SLC39A12: variants seen among roughly 807,000 people sequenced by gnomAD.
SLC39A12 encodes the protein solute carrier family 39 member 12, also known as zinc transporter ZIP12.
In SLC39A12, 63 loss-of-function variants were observed where a neutral mutation model predicts 71.1. The ratio of observed to expected loss-of-function variants is 0.89; its 90% CI spans 0.72 to 1.09. The LOEUF is 1.09. SLC39A12 is among the 50% of genes least tolerant of loss of function. SLC39A12 has a pLI of 0.00. For synonymous variants in SLC39A12, 351 were observed against 301.3 expected, an observed-to-expected ratio of 1.16 and a Z score of -1.71; for missense variants, 892 against 812.6, an observed-to-expected ratio of 1.10 and a Z score of -1.19.
At chr10:17,976,298 AC>A (rs1350682708) in intron 4 of SLC39A12, among the ~76,000 whole-genome samples, 4 of 152,084 alleles carry the variant, frequency 2.6e-5, no homozygotes, top group African/African-American at 9.6e-5. Context: ...TCATTTCACT[AC>A]CCTTCTGTCC....
intron 3 of SLC39A12, among the ~76,000 whole-genome samples, chr10:17,964,813 C>T (rs1014784572): frequency 3.3e-5 from 5 of 152,134 alleles, no homozygotes; most frequent in African/African-American, 1.2e-4. Context: ...AAATCATTCT[C>T]CTGCAGGTTG....
At chr10:17,970,683 T>C (rs1399901289) in intron 4 of SLC39A12, among the ~76,000 whole-genome samples, 1 of 98,024 alleles carries the variant, frequency 1.0e-5, no homozygotes, top group Non-Finnish European at 2.1e-5. Flanking sequence ...TTTGTGTGTG[T>C]GTGTGTGTGT....
intron 8 of SLC39A12, among the ~76,000 whole-genome samples, chr10:17,992,905 C>T (rs982209180): frequency 3.9e-5 from 6 of 152,094 alleles, no homozygotes; most frequent in African/African-American, 7.2e-5. Flanking sequence ...ATTATCATTG[C>T]GGTATCTCCA....
rs772708335 is a variant in SLC39A12, at chr10:17,987,667, C to G, written c.1269+16C>G. On this transcript the variant is annotated intron_variant, in intron 7 of 12. Coordinates refer to ENST00000377369, the MANE Select transcript of SLC39A12 (RefSeq NM_001145195.2). ...TATCCCTCAGGTAATCTGGTCTTTT[C>G]CATTTCAGATAAAGTTCACTTCATT... 2 of 1,613,284 alleles carry G rather than the reference C, an allele frequency of 1.2e-6. No individual in the cohort carries two copies. The highest frequency in any genetic ancestry group is 2.2e-5 in the South Asian group (2 of 90,940).
intron 12 of SLC39A12, among the ~76,000 whole-genome samples, chr10:18,037,776 C>A (rs557726256): frequency 5.3e-5 from 8 of 152,174 alleles, no homozygotes; most frequent in African/African-American, 1.9e-4. Flanking sequence ...GTAATCCCAG[C>A]ACTTTGGGAG....
In SLC39A12 at chr10:18,035,610, A is replaced by G. The variant is rs1193628767; in HGVS notation, c.1948-7095A>G. ...TGCTTTGAATGTCCTCCCATAGCTC[A>G]GAGTAATTTGATCATCTGAAGCCTT... On this transcript the variant is annotated intron_variant, in intron 12 of 12. Coordinates refer to ENST00000377369, the MANE Select transcript of SLC39A12 (RefSeq NM_001145195.2). 7.2e-5 allele frequency among the ~76,000 whole-genome samples: 11 copies of G among 152,202 alleles called. No individual in the cohort carries two copies. In the South Asian group the frequency reaches 8.3e-4, roughly 11 times the overall value.
intron 12 of SLC39A12, among the ~76,000 whole-genome samples, chr10:18,035,859 G>A (rs192970196): frequency 6.6e-5 from 10 of 152,186 alleles, no homozygotes; most frequent in Admixed American, 2.0e-4. Flanking sequence ...TTAGTTTTCC[G>A]TCTAACAGAC....
intron 12 of SLC39A12, among the ~76,000 whole-genome samples, chr10:18,017,864 T>C (rs1455126882): frequency 1.3e-5 from 2 of 152,220 alleles, no homozygotes; most frequent in Non-Finnish European, 2.9e-5. Context: ...AGTTGGCTAT[T>C]ATGGATTTCT....
chr10:17,974,188 T>C (rs1470970480), intron 4 of SLC39A12, among the ~76,000 whole-genome samples: 2 of 152,176 alleles, frequency 1.3e-5, no homozygotes, highest in Non-Finnish European at 2.9e-5. Context: ...TTTCACTGAG[T>C]TTCCTCAAAA....
intron 12 of SLC39A12, among the ~76,000 whole-genome samples, chr10:18,026,734 C>G (rs1348413966): frequency 6.6e-6 from 1 of 151,814 alleles, no homozygotes; most frequent in Non-Finnish European, 1.5e-5. Flanking sequence ...CTCTACTTTT[C>G]TGTTTTTCAA....
chr10:18,043,021 C>A lies in SLC39A12; in HGVS notation c.*188C>A. ...GGAAACATATAAATATCAGACTGTC[C>A]TTAATTGAAATTTTGTCTTTGGTTT... On this transcript the variant is annotated 3_prime_UTR_variant, in exon 13 of 13. Coordinates refer to ENST00000377369, the MANE Select transcript of SLC39A12 (RefSeq NM_001145195.2). 2.8e-6 allele frequency: 1 copy of A among 356,600 alleles called. No homozygotes were observed. Among genetic ancestry groups the A allele is most frequent in the Non-Finnish European group, 4.6e-6 (1 of 216,180 alleles). 22.1% of individuals were successfully genotyped at this position (356,600 alleles called of 1,614,324 possible).
intron 12 of SLC39A12, among the ~76,000 whole-genome samples, chr10:18,011,470 T>G (rs1564656550): frequency 6.6e-6 from 1 of 152,196 alleles, no homozygotes; most frequent in Non-Finnish European, 1.5e-5. Context: ...ACAGAGCATA[T>G]AAAATATGTG....
intron 12 of SLC39A12, among the ~76,000 whole-genome samples, chr10:18,030,186 A>C (rs1454780355): frequency 1.3e-5 from 2 of 152,194 alleles, no homozygotes; most frequent in African/African-American, 4.8e-5. Flanking sequence ...ATTTCAGATG[A>C]GAATCTCCTT....
rs560616229 is a variant in SLC39A12 at position 18,037,890 on chromosome 10, C to T, written c.1948-4815C>T. On this transcript the variant is annotated intron_variant, in intron 12 of 12. Coordinates refer to ENST00000377369, the MANE Select transcript of SLC39A12 (RefSeq NM_001145195.2). ...AAAAAATTAGCCAGGCATGGTGGTG[C>T]GTGCCTGTAGTCCCAGCTACGTGGG... Among the ~76,000 whole-genome samples, 31 of 151,458 alleles carry T rather than the reference C, an allele frequency of 2.0e-4. 1 individual carries two copies. The highest frequency in any genetic ancestry group is 1.2e-4 in the Non-Finnish European group (8 of 67,888).
chr10:17,987,761 T>C, intron 7 of SLC39A12, 110 bp downstream of exon 7: 1 of 1,130,350 alleles, frequency 8.8e-7, no homozygotes, highest in Non-Finnish European at 1.3e-6. Flanking sequence ...GAGAGTATCG[T>C]GGCTGGTGTT....
chr10:17,978,453 C>A (rs1444530098), intron 5 of SLC39A12, among the ~76,000 whole-genome samples: 1 of 152,144 alleles, frequency 6.6e-6, no homozygotes, highest in Admixed American at 6.5e-5. Flanking sequence ...AAGTTATTTT[C>A]TGTTACCTCT....
rs1284840036 is a variant in SLC39A12 at position 18,042,958 on chromosome 10, T to A, written c.*125T>A. 8.8e-6 allele frequency: 6 copies of A among 678,784 alleles called. No individual in the cohort carries two copies. Among genetic ancestry groups the A allele is most frequent in the Non-Finnish European group, 1.3e-5 (6 of 466,344 alleles). The allele number at this position is 678,784 out of a possible 1,614,324, so 42.0% of individuals were successfully genotyped here. ...TTAGGCAAAGTGTGTCTCTTTCAAT[T>A]CATTAACTTATTAATTTTATAATGC... On this transcript the variant is annotated 3_prime_UTR_variant, in exon 13 of 13. Transcript: ENST00000377369.
At chr10:18,029,371 G>A (rs890936980) in intron 12 of SLC39A12, among the ~76,000 whole-genome samples, 4 of 151,996 alleles carry the variant, frequency 2.6e-5, no homozygotes, top group South Asian at 2.1e-4. Context: ...ACTCAACAAC[G>A]GCAGGCCAAA....
At chr10:17,983,251 G>A (rs1419658922) in intron 6 of SLC39A12, among the ~76,000 whole-genome samples, 1 of 151,050 alleles carries the variant, frequency 6.6e-6, no homozygotes, top group African/African-American at 2.4e-5. Flanking sequence ...AGTACTTTGG[G>A]AGGGCAAGGC....
Sources: allele counts gnomAD v4.1 joint callset (sites outside exome capture counted in the v4.1 genomes callset), GRCh38; gene constraint gnomAD v4.1.1; transcripts MANE v1.5; gene names NCBI Gene and HGNC (gene_info 2026-07-23, HGNC 2026-07-21).